The following HK3 variants were observed in gnomAD, a reference collection of about 807,000 sequenced individuals.
HK3 encodes the protein hexokinase 3.
In HK3, 93 loss-of-function variants were observed where a neutral mutation model predicts 91.0. The ratio of observed to expected loss-of-function variants is 1.02; its 90% confidence interval spans 0.86 to 1.21. HK3 has a LOEUF of 1.21. Ranked by LOEUF, HK3 falls within the 50% of genes most tolerant of loss-of-function variation. HK3 has a pLI of 0.00. For synonymous variants in HK3, 519 were observed against 516.9 expected (o/e 1.00, Z -0.06); for missense variants, 1,235 against 1,247.4 (o/e 0.99, Z 0.15).
At chr5:176,888,152 G>A (rs1346317935) in intron 10 of HK3, among the ~76,000 whole-genome samples, 180 bp downstream of exon 10, 1 of 152,160 alleles carries the variant, frequency 6.6e-6, no homozygotes, top group Non-Finnish European at 1.5e-5. Flanking sequence ...CACACAAAGG[G>A]AAGCATCGTT....
In HK3 at chr5:176,886,895, C is replaced by T. The variant is rs1000693156; in HGVS notation, c.1857+107G>A. ...CAGCAGTGCTGCCACCACCACCAACCCCAGACCCGCCACCGCCCAGCCTTT... is the reference window on the plus strand; with the variant it reads ...CAGCAGTGCTGCCACCACCACCAACTCCAGACCCGCCACCGCCCAGCCTTT... On this transcript the variant is annotated intron_variant, in intron 13 of 18. Coordinates refer to ENST00000292432, the MANE Select transcript of HK3 (RefSeq NM_002115.3). 14 of 1,355,664 alleles carry T rather than the reference C, an allele frequency of 1.0e-5. No individual in the cohort carries two copies. In the Middle Eastern group the frequency reaches 6.3e-4, roughly 61 times the overall value. 84.0% of individuals were successfully genotyped at this position (1,355,664 alleles called of 1,614,324 possible).
At chr5:176,898,744 C>A (rs1297735480) in intron 1 of HK3, among the ~76,000 whole-genome samples, 1 of 152,206 alleles carries the variant, frequency 6.6e-6, no homozygotes. Flanking sequence ...CTAAGGGCCC[C>A]GTGGCTTCCC....
chr5:176,881,636 C>A, intron 17 of HK3, 56 bp downstream of exon 17: 1 of 1,606,738 alleles, frequency 6.2e-7, no homozygotes, highest in Non-Finnish European at 8.5e-7. Context: ...CAGCAATCCC[C>A]CACAGTGGAC....
chr5:176,892,334 A>G (rs1046717490), intron 2 of HK3, among the ~76,000 whole-genome samples: 9 of 152,180 alleles, frequency 5.9e-5, no homozygotes, highest in Non-Finnish European at 8.8e-5. Flanking sequence ...GGTGATCTAA[A>G]TGAAGGAAGG....
Position 176,889,551 on chromosome 5 carries a change from G to A in HK3, c.744C>T (p.Asn248=), listed in dbSNP as rs200861830. ...GCCGTGCCTCCTCCATGTAACACGC[G>A]TTGGTGCCCGTGTCTGGCAGAGACA... ...EVGLVVDTGT[N]ACYMEEARHV... Residue 248 remains asparagine, a synonymous_variant, in exon 8 of 19, where the codon AAC becomes AAT. Coordinates refer to ENST00000292432, the MANE Select transcript of HK3 (RefSeq NM_002115.3). 28 of 1,614,144 alleles carry A rather than the reference G, an allele frequency of 1.7e-5. No homozygotes were observed. The highest frequency in any genetic ancestry group is 9.3e-5 in the African/African-American group (7 of 75,068).
In HK3 at chr5:176,891,110, T is replaced by C. The variant is rs1189093121; in HGVS notation, c.341A>G (p.Glu114Gly). The C allele has an allele frequency of 1.2e-6, 2 of 1,613,952 alleles. No individual in the cohort carries two copies. Among genetic ancestry groups the C allele is most frequent in the Non-Finnish European group, 1.7e-6 (2 of 1,180,036 alleles). The change falls in exon 4 of 19, where the codon GAG (glutamate) becomes GGG (glycine). Residue 114 changes from glutamate to glycine, a missense_variant. This residue lies in a region of HK3 where 717 missense variants were observed against 751.6 expected (regional missense o/e 0.95). Coordinates refer to ENST00000292432, the MANE Select transcript of HK3 (RefSeq NM_002115.3). ...GCTTCTGGGCTCCACCCTATGCCCC[T>C]CAATGCCAGTTAGAGTCACCCACAA... is the stretch of plus-strand genomic sequence containing the variant. ...RVLWVTLTGI[E>G]GHRVEPRSQE... is the part of the protein sequence containing the mutation.
At chr5:176,896,975 G>A (rs6897020) in intron 1 of HK3, among the ~76,000 whole-genome samples, 3,038 of 150,502 alleles carry the variant, frequency 0.02, 125 homozygotes, top group African/African-American at 0.072. Context: ...GTGATGCAGA[G>A]CAGAAAGAGC....
chr5:176,888,610 C>T, intron 9 of HK3, 45 bp from the exon 10 acceptor site: 1 of 1,606,622 alleles, frequency 6.2e-7, no homozygotes, highest in Non-Finnish European at 8.5e-7. Context: ...CCAGAAGCTC[C>T]CCATCCCACT....
chr5:176,887,661 G>T lies in HK3; in HGVS notation c.1390C>A (p.Arg464=). The T allele has an allele frequency of 6.2e-7, 1 of 1,613,800 alleles. No homozygotes were observed. Among genetic ancestry groups the T allele is most frequent in the Non-Finnish European group, 8.5e-7 (1 of 1,179,958 alleles). ...SLIPSVDGGG[R]GVAMVTAVAA... is the part of the protein sequence containing the mutation. ...ACGGCAGTCACCATCGCCACTCCCCGGCCACCACCATCCACAGAGGGGATT... is the reference window on the plus strand; with the variant it reads ...ACGGCAGTCACCATCGCCACTCCCCTGCCACCACCATCCACAGAGGGGATT... The change falls in exon 11 of 19, where the codon CGG becomes AGG. Residue 464 remains arginine, a synonymous_variant. Coordinates refer to ENST00000292432, the MANE Select transcript of HK3 (RefSeq NM_002115.3). This position sits in a 1 kb window ranked among gnomAD's most constrained non-coding sequence, Gnocchi z 4.9.
At chr5:176,898,788 T>G (rs374391020) in intron 1 of HK3, among the ~76,000 whole-genome samples, 100 of 152,246 alleles carry the variant, frequency 6.6e-4, no homozygotes, top group South Asian at 5.4e-3. Flanking sequence ...TGAGTTTTCC[T>G]CCTGAAAAGT....
rs562719302 is a variant in HK3 at position 176,884,031 on chromosome 5, G to A, written c.1953+8C>T. On this transcript the variant is annotated splice_region_variant and intron_variant, in intron 14 of 18. Transcript: ENST00000292432. This position sits in a 1 kb window ranked among gnomAD's most constrained non-coding sequence, Gnocchi z 4.1. ...CAGCCCCAAAGCACCCCTAGAACAG[G>A]CTCCTACCTGTCTGCGAGTGATGGC... The A allele has an allele frequency of 5.6e-5, 91 of 1,613,406 alleles. No individual in the cohort carries two copies. The highest frequency in any genetic ancestry group is 7.5e-5 in the Non-Finnish European group (89 of 1,179,506).
chr5:176,895,526 C>A (rs1328630853), intron 2 of HK3, among the ~76,000 whole-genome samples: 4 of 152,192 alleles, frequency 2.6e-5, no homozygotes, highest in Non-Finnish European at 5.9e-5. Context: ...TATGAGACAG[C>A]TTCTAAATCT....
At position 176,889,503 on chromosome 5, in the gene HK3, G is replaced by A. The variant is rs1349750159; in HGVS notation, c.792C>T (p.Asp264=). 3.7e-6 allele frequency: 6 copies of A among 1,614,160 alleles called. No homozygotes were observed. The highest frequency in any genetic ancestry group is 5.1e-6 in the Non-Finnish European group (6 of 1,180,038). The change falls in exon 8 of 19, where the codon GAC becomes GAT. Residue 264 remains aspartate, a synonymous_variant. Coordinates refer to ENST00000292432, the MANE Select transcript of HK3 (RefSeq NM_002115.3). ...EARHVAVLDE[D]RGRVCVSVEW... is the part of the protein sequence containing the mutation. ...CGACGCTGACGCAGACGCGGCCCCGGTCTTCGTCCAGCACTGCCACATGCC... is the reference window on the plus strand; with the variant it reads ...CGACGCTGACGCAGACGCGGCCCCGATCTTCGTCCAGCACTGCCACATGCC...
intron 15 of HK3, 21 bp from the exon 16 acceptor site, chr5:176,882,148 G>T: frequency 6.2e-7 from 1 of 1,611,154 alleles, no homozygotes. Context: ...GCCAGACAAC[G>T]TGGAAGCTAC....
Position 176,888,783 on chromosome 5 carries a change from G to T in HK3, c.996C>A (p.Leu332=). ...GGGCAGGGGAGGTGCAGCCACCAAA[G>T]AGGACCCCACACCGGGCCAAGTGAG... ...VLAHLARCGV[L]FGGCTSPALL... The change falls in exon 9 of 19, where the codon CTC becomes CTA. Residue 332 remains leucine (L), a synonymous_variant. Transcript: ENST00000292432. 5 of 1,614,192 alleles carry T rather than the reference G, an allele frequency of 3.1e-6. No homozygotes were observed. The highest frequency in any genetic ancestry group is 4.2e-6 in the Non-Finnish European group (5 of 1,180,018).
Position 176,887,407 on chromosome 5 carries a change from C to G in HK3, c.1600+44G>C. ...CCAGCCCCAGCACACACTGGGACCC[C>G]CAGGAGCCCATGTTTCGGTCCCACA... On this transcript the variant is annotated intron_variant, in intron 11 of 18. Coordinates refer to ENST00000292432, the MANE Select transcript of HK3 (RefSeq NM_002115.3). The surrounding 1 kb of genome is among the most constrained non-coding windows in gnomAD (Gnocchi z 4.9). The G allele has an allele frequency of 6.2e-7, 1 of 1,612,764 alleles. No individual in the cohort carries two copies. The highest frequency in any genetic ancestry group is 8.5e-7 in the Non-Finnish European group (1 of 1,179,388).
At position 176,895,759 on chromosome 5, in the gene HK3, G is replaced by C. The variant is rs148282707; in HGVS notation, c.96+305C>G. The stretch of plus-strand genomic sequence containing the variant: ...TGTGTCACCCACTTGGGGCGGGAGC[G>C]GCACCTGTGTGGCAAGGTGGCAAAA... On this transcript the variant is annotated intron_variant, in intron 2 of 18. Coordinates refer to ENST00000292432, the MANE Select transcript of HK3 (RefSeq NM_002115.3). Among the ~76,000 whole-genome samples, 807 of 152,268 alleles carry C rather than the reference G, an allele frequency of 5.3e-3. 9 individuals are homozygous for C. Among genetic ancestry groups the C allele is most frequent in the African/African-American group, 0.019 (773 of 41,534 alleles).
At position 176,884,226 on chromosome 5, in the gene HK3, G is replaced by A; in HGVS notation, c.1858-92C>T. ...AAACCTGCATCCATCACAAGCCTAG[G>A]CTTTCCACCCTCCCCAAGCACAATT... is the stretch of plus-strand genomic sequence containing the variant. On this transcript the variant is annotated intron_variant, in intron 13 of 18. Transcript: ENST00000292432. This position sits in a 1 kb window ranked among gnomAD's most constrained non-coding sequence, Gnocchi z 4.1. 1.9e-6 allele frequency: 2 copies of A among 1,045,430 alleles called. No individual in the cohort carries two copies. The highest frequency in any genetic ancestry group is 3.0e-6 in the Non-Finnish European group (2 of 669,002). 64.8% of individuals were successfully genotyped at this position (1,045,430 alleles called of 1,614,324 possible). A position where few individuals can be genotyped will look rare whatever the true frequency, so the allele number is the denominator to read the frequency against.
Position 176,890,825 on chromosome 5 carries a change from G to A in HK3, c.531C>T (p.Asp177=). The change falls in exon 5 of 19, where the codon GAC becomes GAT. Residue 177 remains aspartate, a synonymous_variant. Coordinates refer to ENST00000292432, the MANE Select transcript of HK3 (RefSeq NM_002115.3). The part of the protein sequence containing the change: ...FSFPCHQTGL[D]RSTLISWTKG... ...TCCCATGTCCACTCCACCTCACCCT[G>A]TCCAAGCCCGTCTGGTGACAAGGGA... 2 of 1,614,136 alleles carry A rather than the reference G, an allele frequency of 1.2e-6. No individual in the cohort carries two copies. The highest frequency in any genetic ancestry group is 8.5e-7 in the Non-Finnish European group (1 of 1,180,038).
Sources: allele counts gnomAD v4.1 joint callset (sites outside exome capture counted in the v4.1 genomes callset), GRCh38; gene constraint gnomAD v4.1.1; regional missense constraint gnomAD v4.1.1; non-coding constraint Gnocchi (gnomAD v3.1); transcripts MANE v1.5; gene names NCBI Gene and HGNC (gene_info 2026-07-23, HGNC 2026-07-21).